Variants in KRIT1 observed in about 807,000 individuals in gnomAD.
The protein encoded by KRIT1 is KRIT1 ankyrin repeat containing.
A neutral mutation model predicts 95.8 loss-of-function variants in KRIT1; 45 were observed. The ratio of observed to expected loss-of-function variants is 0.47; its 90% CI spans 0.37 to 0.60. The LOEUF (loss-of-function observed/expected upper bound fraction) is 0.60, where lower values mean the gene tolerates loss of function less well. Among genes scored for constraint, KRIT1 ranks in the 20% least tolerant of loss-of-function variants. The pLI is 0.00. For missense variants in KRIT1, 788 were observed against 877.5 expected (o/e 0.90, Z 1.29); for synonymous variants, 282 against 278.8 (o/e 1.01, Z -0.11).
chr7:92,236,336 CTG>C, intron 7 of KRIT1, 75 bp downstream of exon 7: 1 of 939,282 alleles, frequency 1.1e-6, no homozygotes, highest in Non-Finnish European at 1.7e-6. Context: ...CTCAAAGTGT[CTG>C]TATCTATGAC....
intron 14 of KRIT1, among the ~76,000 whole-genome samples, chr7:92,215,775 T>A (rs1793840120): frequency 6.6e-6 from 1 of 151,764 alleles, no homozygotes; most frequent in Non-Finnish European, 1.5e-5. Context: ...TTTTTTTTTT[T>A]TAAAACTATA....
At chr7:92,216,221 T>G (rs1034806261) in intron 14 of KRIT1, among the ~76,000 whole-genome samples, 2 of 136,498 alleles carry the variant, frequency 1.5e-5, no homozygotes, top group Non-Finnish European at 3.1e-5. Context: ...AGAAAGAGAC[T>G]CCATCTCAAA....
In KRIT1 at chr7:92,234,894, A is replaced by C. The variant is rs747645405; in HGVS notation, c.759T>G (p.Phe253Leu). The C allele has an allele frequency of 1.3e-6, 2 of 1,590,518 alleles. No individual in the cohort carries two copies. The highest frequency in any genetic ancestry group is 1.7e-6 in the Non-Finnish European group (2 of 1,158,542). Reference sequence around the variant, plus strand: ...TTGAGTAGTCTGGAGCTCCTAGACCAAAGTATGGATTTATTACCACTTTAT... The same window carrying C: ...TTGAGTAGTCTGGAGCTCCTAGACCCAAGTATGGATTTATTACCACTTTAT... ...RVDKVVINPY[F>L]GLGAPDYSKI... Residue 253 changes from phenylalanine to leucine, a missense_variant, in exon 9 of 19, where the codon TTT becomes TTG. By Grantham distance (22) the Phe-to-Leu change is conservative. This residue lies in a region of KRIT1 where 493 missense variants were observed against 582.3 expected (regional missense o/e 0.85). Transcript: ENST00000394505.
chr7:92,236,173 T>C, intron 7 of KRIT1: 1 of 398,408 alleles, frequency 2.5e-6, no homozygotes. Flanking sequence ...AAATCTTAAT[T>C]CTTAAGCCAG....
At chr7:92,220,757 C>G (rs1319626904) in intron 14 of KRIT1, among the ~76,000 whole-genome samples, 1 of 143,772 alleles carries the variant, frequency 7.0e-6, no homozygotes, top group Non-Finnish European at 1.5e-5. Context: ...TGCAGTGGCA[C>G]GATCTCGGCT....
At chr7:92,236,788 C>T (rs959841292) in intron 6 of KRIT1, among the ~76,000 whole-genome samples, 8 of 152,116 alleles carry the variant, frequency 5.3e-5, no homozygotes, top group Non-Finnish European at 1.0e-4. Context: ...CTCAACAATG[C>T]TGTAAAACTC....
At chr7:92,219,378 AC>A (rs1478832950) in intron 14 of KRIT1, among the ~76,000 whole-genome samples, 2 of 152,196 alleles carry the variant, frequency 1.3e-5, no homozygotes, top group Non-Finnish European at 2.9e-5. Context: ...TTATACCAGC[AC>A]CATCTGTTGA....
At chr7:92,221,478 T>C (rs1000242654) in intron 14 of KRIT1, among the ~76,000 whole-genome samples, 5 of 152,206 alleles carry the variant, frequency 3.3e-5, no homozygotes, top group African/African-American at 1.2e-4. Flanking sequence ...AGAATGACTT[T>C]CGCATTCTTC....
rs373944904 is a variant in KRIT1, at chr7:92,200,796, G to A, written c.2151C>T (p.Leu717=). 16 of 1,599,904 alleles carry A rather than the reference G, an allele frequency of 1.0e-5. No individual in the cohort carries two copies. Among genetic ancestry groups the A allele is most frequent in the African/African-American group, 2.7e-5 (2 of 74,596 alleles). ...TTAGCTTCATTAACAGTTTTACCAC[G>A]AGACCAGCCTACAAAGTAAAACATG... ...SFIVHTKQAG[L]VVKLLMKLNG... Residue 717 remains leucine (L), a synonymous_variant, in exon 19 of 19, where the codon CTC becomes CTT. Transcript: ENST00000394505.
At chr7:92,223,152 G>A (rs533109536) in intron 12 of KRIT1, among the ~76,000 whole-genome samples, 174 bp from the exon 13 acceptor site, 4 of 151,770 alleles carry the variant, frequency 2.6e-5, no homozygotes, top group Non-Finnish European at 4.4e-5. Context: ...TTTACTGGCC[G>A]GGCGCGGTGG....
chr7:92,234,823 C>T lies in KRIT1; in HGVS notation c.830G>A (p.Ser277Asn), dbSNP rs1798060808. 6 of 1,594,840 alleles carry T rather than the reference C, an allele frequency of 3.8e-6. No individual in the cohort carries two copies. Among genetic ancestry groups the T allele is most frequent in the Admixed American group, 1.7e-5 (1 of 59,992 alleles). Residue 277 changes from serine to asparagine, a missense_variant, in exon 9 of 19, where the codon AGT becomes AAT. By Grantham distance (46) the Ser-to-Asn change is conservative. This residue lies in a region of KRIT1 where 493 missense variants were observed against 582.3 expected (regional missense o/e 0.85). Coordinates refer to ENST00000394505, the MANE Select transcript of KRIT1 (RefSeq NM_194454.3). ...KQEKWQRSMS[S>N]VTEDKERQWV... is the part of the protein sequence containing the mutation. ...GAAACAGTACTTGTCTTCTGTGACA[C>T]TGCTCATGCTTCTCTGCCATTTTTC...
At chr7:92,237,081 T>C (rs964352182) in intron 6 of KRIT1, among the ~76,000 whole-genome samples, 8 of 152,128 alleles carry the variant, frequency 5.3e-5, no homozygotes, top group Admixed American at 4.6e-4. Flanking sequence ...GATAGCAATA[T>C]TGTCCCTATT....
At chr7:92,223,110 G>A in intron 12 of KRIT1, 132 bp from the exon 13 acceptor site, 1 of 690,576 alleles carries the variant, frequency 1.4e-6, no homozygotes, top group Non-Finnish European at 2.5e-6. Flanking sequence ...ACTGTTTTAA[G>A]TGAGAATCTG....
At chr7:92,217,987 T>C (rs1413440381) in intron 14 of KRIT1, among the ~76,000 whole-genome samples, 1 of 152,170 alleles carries the variant, frequency 6.6e-6, no homozygotes, top group Non-Finnish European at 1.5e-5. Context: ...AATTTGCATT[T>C]CCCTAATAAC....
intron 7 of KRIT1, 81 bp from the exon 8 acceptor site, chr7:92,235,727 A>G: frequency 7.7e-7 from 1 of 1,306,098 alleles, no homozygotes; most frequent in East Asian, 2.4e-5. Flanking sequence ...ACTCTGATAT[A>G]TGACACTTGT....
rs987702497 is a variant in KRIT1, at chr7:92,200,932, G to A, written c.2143-128C>T. Reference sequence around the variant, plus strand: ...CTTATCAGGAGACAGCTTGTTAAGAGAGAGTATAGAGGGGGATATTTACTC... The same window carrying A: ...CTTATCAGGAGACAGCTTGTTAAGAAAGAGTATAGAGGGGGATATTTACTC... On this transcript the variant is annotated intron_variant, in intron 18 of 18. Transcript: ENST00000394505. 1.9e-5 allele frequency: 14 copies of A among 719,650 alleles called. No homozygotes were observed. The East Asian group carries it at 3.5e-4, about 18-fold the overall frequency. The allele number at this position is 719,650 out of a possible 1,614,324, so 44.6% of individuals were successfully genotyped here.
In KRIT1 at chr7:92,213,180, G is replaced by A. The variant is rs1183799014; in HGVS notation, c.2025+15C>T. On this transcript the variant is annotated intron_variant, in intron 17 of 18. Transcript: ENST00000394505. The stretch of plus-strand genomic sequence containing the variant: ...ATTATATGACATGATTGGTAAAAAA[G>A]AGCTGAAAATCTACCTTAGTTTCCA... The A allele has an allele frequency of 6.4e-7, 1 of 1,560,306 alleles. No individual in the cohort carries two copies. Among genetic ancestry groups the A allele is most frequent in the East Asian group, 2.2e-5 (1 of 44,466 alleles).
chr7:92,221,831 C>T (rs527292935), intron 14 of KRIT1, 71 bp downstream of exon 14: 2 of 1,300,974 alleles, frequency 1.5e-6, no homozygotes, highest in Admixed American at 1.8e-5. Context: ...ATTTCTGCCT[C>T]TAGTGCTTAC....
intron 17 of KRIT1, among the ~76,000 whole-genome samples, chr7:92,210,175 G>A (rs1792492389): frequency 1.3e-5 from 2 of 151,650 alleles, no homozygotes; most frequent in South Asian, 4.1e-4. Context: ...ATGCTTTACA[G>A]AAATAAAAAA....
Sources: allele counts gnomAD v4.1 joint callset (sites outside exome capture counted in the v4.1 genomes callset), GRCh38; gene constraint gnomAD v4.1.1; regional missense constraint gnomAD v4.1.1; transcripts MANE v1.5; gene names NCBI Gene and HGNC (gene_info 2026-07-23, HGNC 2026-07-21).